MIR2052HG: variants seen among roughly 807,000 people sequenced by gnomAD.
MIR2052HG encodes MIR2052 host gene.
chr8:74,683,357 A>G (rs971020414), intron 2 of MIR2052HG, among the ~76,000 whole-genome samples: 20 of 152,100 alleles, frequency 1.3e-4, no homozygotes, highest in African/African-American at 4.6e-4. Context: ...TGAATTTCAG[A>G]AATATTAGTT....
At chr8:74,726,594 A>C (rs1183281563) in intron 4 of MIR2052HG, among the ~76,000 whole-genome samples, 1 of 152,210 alleles carries the variant, frequency 6.6e-6, no homozygotes, top group Non-Finnish European at 1.5e-5. Context: ...ATTAACTTGG[A>C]GTAACTTGTG....
intron 5 of MIR2052HG, among the ~76,000 whole-genome samples, chr8:74,755,519 G>A (rs926184150): frequency 6.6e-6 from 1 of 152,220 alleles, no homozygotes; most frequent in African/African-American, 2.4e-5. Context: ...TTATAGGATG[G>A]ATGCAGTGAC....
intron 5 of MIR2052HG, among the ~76,000 whole-genome samples, chr8:74,754,173 C>A (rs2128756991): frequency 6.6e-6 from 1 of 152,240 alleles, no homozygotes; most frequent in Admixed American, 6.5e-5. Flanking sequence ...TTAAATAAAA[C>A]AATACTTGTA....
chr8:74,604,331 A>C, intron 1 of MIR2052HG: 1 of 420,896 alleles, frequency 2.4e-6, no homozygotes. Context: ...TGCTGGCGCG[A>C]GGCGACTGAG....
intron 4 of MIR2052HG, among the ~76,000 whole-genome samples, chr8:74,745,972 G>A (rs994128056): frequency 6.6e-6 from 1 of 152,172 alleles, no homozygotes; most frequent in African/African-American, 2.4e-5. Context: ...GATGAGAAAA[G>A]TGAGGCACTG....
chr8:74,716,010 A>G (rs1021803337), intron 4 of MIR2052HG, among the ~76,000 whole-genome samples: 2 of 152,184 alleles, frequency 1.3e-5, no homozygotes, highest in Non-Finnish European at 2.9e-5. Context: ...ATCAAATGCA[A>G]ATGGTCGTTT....
At chr8:74,665,075 G>A (rs2128737396) in intron 2 of MIR2052HG, among the ~76,000 whole-genome samples, 1 of 152,114 alleles carries the variant, frequency 6.6e-6, no homozygotes, top group African/African-American at 2.4e-5. Flanking sequence ...CTGACACTCA[G>A]GATTCTTCTC....
chr8:74,643,183 G>C (rs576734271), intron 2 of MIR2052HG, among the ~76,000 whole-genome samples: 1 of 152,120 alleles, frequency 6.6e-6, no homozygotes, highest in African/African-American at 2.4e-5. Flanking sequence ...TCCCAACCTG[G>C]TTGCCTTCAA....
chr8:74,606,523 T>G (rs1448269958), intron 1 of MIR2052HG, among the ~76,000 whole-genome samples: 1 of 152,204 alleles, frequency 6.6e-6, no homozygotes, highest in Non-Finnish European at 1.5e-5. Flanking sequence ...GAATACTATT[T>G]TAAAGTTCTG....
In MIR2052HG at chr8:74,610,404, GT is replaced by G. The variant is rs1249005753; in HGVS notation, n.129-2446del. Among the ~76,000 whole-genome samples the G allele has an allele frequency of 5.3e-5, 8 of 151,958 alleles. No homozygotes were observed. In the East Asian group the frequency reaches 1.5e-3, roughly 29 times the overall value. Reference sequence around the variant, plus strand: ...TATGAAAAGGAGAGTTATGTTCATAGTTTGGAAGATTCAACATTGTTAATAT... The same window carrying G: ...TATGAAAAGGAGAGTTATGTTCATAGTTGGAAGATTCAACATTGTTAATAT... On this transcript the variant is annotated intron_variant and non_coding_transcript_variant, in intron 1 of 6. Transcript: ENST00000523442.
chr8:74,611,510 C>A (rs1808194508), intron 1 of MIR2052HG, among the ~76,000 whole-genome samples: 2 of 152,026 alleles, frequency 1.3e-5, no homozygotes, highest in Admixed American at 6.6e-5. Context: ...TATTTGTGAG[C>A]CTTTTGCAAG....
intron 1 of MIR2052HG, among the ~76,000 whole-genome samples, chr8:74,600,964 T>G (rs1004653263): frequency 1.3e-5 from 2 of 152,216 alleles, no homozygotes; most frequent in African/African-American, 2.4e-5. Flanking sequence ...ACCTGTGTTC[T>G]TTCCACAATA....
At chr8:74,730,120 A>G (rs1809677007) in intron 4 of MIR2052HG, among the ~76,000 whole-genome samples, 2 of 152,204 alleles carry the variant, frequency 1.3e-5, no homozygotes, top group Admixed American at 6.6e-5. Flanking sequence ...ATCTCCTTTC[A>G]GTATTACTGA....
chr8:74,646,798 C>T (rs533259473), intron 2 of MIR2052HG, among the ~76,000 whole-genome samples: 14 of 152,216 alleles, frequency 9.2e-5, no homozygotes, highest in Admixed American at 4.6e-4. Context: ...TGTGCTGGTA[C>T]ATTCCTGAAT....
intron 5 of MIR2052HG, chr8:74,752,581 AT>A: frequency 2.2e-6 from 1 of 446,488 alleles, no homozygotes; most frequent in Non-Finnish European, 4.5e-6. Flanking sequence ...TCTTTTCAAT[AT>A]TTATGTACTG....
At chr8:74,647,099 T>G (rs1437827960) in intron 2 of MIR2052HG, among the ~76,000 whole-genome samples, 1 of 152,176 alleles carries the variant, frequency 6.6e-6, no homozygotes, top group Admixed American at 6.5e-5. Context: ...TCACAAATTT[T>G]CACCTTAAAT....
chr8:74,700,740 A>T (rs1290870570), intron 2 of MIR2052HG, among the ~76,000 whole-genome samples: 2 of 152,122 alleles, frequency 1.3e-5, no homozygotes, highest in Admixed American at 6.6e-5. Context: ...TGATGAAAAA[A>T]TAATGGATGT....
intron 4 of MIR2052HG, among the ~76,000 whole-genome samples, chr8:74,744,820 G>C (rs1371502792): frequency 6.6e-6 from 1 of 152,160 alleles, no homozygotes; most frequent in South Asian, 2.1e-4. Context: ...ATGGGGCCAG[G>C]AAATGAAAGA....
chr8:74,608,506 A>T (rs1232919893), intron 1 of MIR2052HG, among the ~76,000 whole-genome samples: 2 of 152,192 alleles, frequency 1.3e-5, no homozygotes, highest in African/African-American at 4.8e-5. Context: ...AAAAATCAGA[A>T]TACACATTCT....
Sources: gnomAD v4.1 joint callset for allele counts (sites outside exome capture counted in the v4.1 genomes callset) on GRCh38, gnomAD v4.1.1 for gene constraint, MANE v1.5 for transcripts, NCBI Gene and HGNC (gene_info 2026-07-23, HGNC 2026-07-21) for gene names.